Variants in BAIAP2L2 observed in about 807,000 individuals in gnomAD.
BAIAP2L2 encodes BAR/IMD domain containing adaptor protein 2 like 2.
A neutral mutation model predicts 60.4 loss-of-function variants in BAIAP2L2; 65 were observed. That is an observed-to-expected ratio of 1.08 (90% CI 0.88 to 1.32). The LOEUF is 1.32. Among genes scored for constraint, BAIAP2L2 ranks in the 40% most tolerant of loss-of-function variants. BAIAP2L2 has a pLI of 0.00. For synonymous variants in BAIAP2L2, 344 were observed against 301.7 expected, an observed-to-expected ratio of 1.14 and a Z score of -1.45; for missense variants, 836 against 741.2, an observed-to-expected ratio of 1.13 and a Z score of -1.48.
At chr22:38,108,440 G>A in intron 2 of BAIAP2L2, 99 bp from the exon 3 acceptor site, 1 of 940,614 alleles carries the variant, frequency 1.1e-6, no homozygotes, top group Non-Finnish European at 1.6e-6. Flanking sequence ...TCCTGGGTGG[G>A]GTGTGGGCAT....
At chr22:38,098,540 C>A in intron 4 of BAIAP2L2, 58 bp from the exon 5 acceptor site, 1 of 1,408,942 alleles carries the variant, frequency 7.1e-7, no homozygotes, top group Non-Finnish European at 1.0e-6. Flanking sequence ...CAGGCCCCAG[C>A]ACCCCCTTGC....
intron 11 of BAIAP2L2, 115 bp downstream of exon 11, chr22:38,087,001 AAAAAAAAC>A (rs1285536129): frequency 7.9e-7 from 1 of 1,270,112 alleles, no homozygotes. Context: ...GTCTCAAAAA[AAAAAAAAC>A]AAAACAAAAC....
chr22:38,087,114 A>G lies in BAIAP2L2; in HGVS notation c.1259+10T>C. On this transcript the variant is annotated intron_variant, in intron 11 of 13. Transcript: ENST00000381669. ...CCTCACCCCCGCCCCACCCCTGATGACTCAGGTACCTGGAAGGCAGCTCGT... is the reference window on the plus strand; with the variant it reads ...CCTCACCCCCGCCCCACCCCTGATGGCTCAGGTACCTGGAAGGCAGCTCGT... 1.3e-6 allele frequency: 2 copies of G among 1,550,824 alleles called. No individual in the cohort carries two copies. Among genetic ancestry groups the G allele is most frequent in the Non-Finnish European group, 1.7e-6 (2 of 1,151,194 alleles).
At chr22:38,108,908 G>C (rs2086726933) in intron 2 of BAIAP2L2, among the ~76,000 whole-genome samples, 1 of 152,046 alleles carries the variant, frequency 6.6e-6, no homozygotes, top group Admixed American at 6.6e-5. Context: ...CCTGAAGGAG[G>C]GGGCAATGAG....
rs2086027276 is a variant in BAIAP2L2 at position 38,085,370 on chromosome 22, G to C, written c.1520C>G (p.Thr507Arg). Residue 507 changes from threonine to arginine, a missense_variant, in exon 14 of 14, where the codon ACA becomes AGA. Coordinates refer to ENST00000381669, the MANE Select transcript of BAIAP2L2 (RefSeq NM_025045.6). The stretch of plus-strand genomic sequence containing the variant: ...AAGCTTGACAGTGGCAAAAGGATTT[G>C]TGCCCCTGTAGGAGGAGAGAGAGAA... ...YPPQELFPRG[T>R]NPFATVKLRP... is the part of the protein sequence containing the mutation. 8.1e-6 allele frequency: 13 copies of C among 1,613,768 alleles called. No individual in the cohort carries two copies. Among genetic ancestry groups the C allele is most frequent in the Non-Finnish European group, 9.3e-6 (11 of 1,179,726 alleles).
chr22:38,099,787 C>T (rs932469638), intron 4 of BAIAP2L2, among the ~76,000 whole-genome samples: 2 of 152,200 alleles, frequency 1.3e-5, no homozygotes, highest in East Asian at 1.9e-4. Context: ...CCCGCCTCTG[C>T]GCAGCCTCTG....
chr22:38,086,251 A>G lies in BAIAP2L2; in HGVS notation c.1458T>C (p.Thr486=). 1 of 1,611,428 alleles carries G rather than the reference A, an allele frequency of 6.2e-7. No individual in the cohort carries two copies. Among genetic ancestry groups the G allele is most frequent in the South Asian group, 1.1e-5 (1 of 90,878 alleles). Residue 486 remains threonine, a synonymous_variant, in exon 12 of 14, where the codon ACT becomes ACC. Transcript: ENST00000381669. ...GCGGGCAAGGGCTCACCTTGACGTC[A>G]GTGGCAACTGCTGTGCTGCCCATGC... ...RSSMGSTAVA[T]DVKKLMSSEQ... is the part of the protein sequence containing the mutation.
At chr22:38,096,696 G>A (rs1053841922) in intron 7 of BAIAP2L2, among the ~76,000 whole-genome samples, 2 of 151,962 alleles carry the variant, frequency 1.3e-5, no homozygotes, top group East Asian at 3.8e-4. Flanking sequence ...ATTAATAGAC[G>A]ATAACTGAGC....
chr22:38,110,022 AAT>A (rs2086773421), intron 1 of BAIAP2L2, among the ~76,000 whole-genome samples: 1 of 143,610 alleles, frequency 7.0e-6, no homozygotes, highest in Non-Finnish European at 1.5e-5. Context: ...GGGGCTCAGA[AAT>A]GAGAGAGACA....
At chr22:38,110,291 C>T (rs1019536449) in intron 1 of BAIAP2L2, among the ~76,000 whole-genome samples, 184 bp downstream of exon 1, 3 of 151,674 alleles carry the variant, frequency 2.0e-5, no homozygotes, top group African/African-American at 7.3e-5. Context: ...TGGGGGTTCC[C>T]GCTGTATGGC....
At chr22:38,098,225 G>A (rs1387075768) in intron 5 of BAIAP2L2, 46 bp from the exon 6 acceptor site, 11 of 1,593,666 alleles carry the variant, frequency 6.9e-6, no homozygotes, top group South Asian at 2.2e-5. Context: ...CCACATCAGA[G>A]AGCTCAAGAC....
chr22:38,090,034 A>G (rs1472022340), intron 7 of BAIAP2L2: 4 of 181,810 alleles, frequency 2.2e-5, no homozygotes, highest in African/African-American at 9.5e-5. Context: ...TGGCGCTTAG[A>G]TAGAAACTAC....
intron 10 of BAIAP2L2, among the ~76,000 whole-genome samples, chr22:38,088,199 C>G (rs952306167): frequency 2.0e-5 from 3 of 152,264 alleles, no homozygotes; most frequent in African/African-American, 7.2e-5. Flanking sequence ...GGTGCCTGTC[C>G]ATTCCCTCTG....
At chr22:38,088,600 G>T in intron 10 of BAIAP2L2, 148 bp downstream of exon 10, 1 of 751,744 alleles carries the variant, frequency 1.3e-6, no homozygotes, top group Non-Finnish European at 2.0e-6. Context: ...AGGAAACTGA[G>T]GCAGGGTGCG....
Position 38,085,233 on chromosome 22 carries a change from G to A in BAIAP2L2, c.*67C>T, listed in dbSNP as rs34319574. 86 of 1,520,120 alleles carry A rather than the reference G, an allele frequency of 5.7e-5. No homozygotes were observed. In the South Asian group the frequency reaches 8.6e-4, roughly 15 times the overall value. 94.2% of individuals were successfully genotyped at this position (1,520,120 alleles called of 1,614,324 possible). A position where few individuals can be genotyped will look rare whatever the true frequency, so the allele number is the denominator to read the frequency against. ...TGGATCTGCTGCTGTTGCTGCTGTCGCTGCCATTGCCAGCTCTGAACAGCC... is the reference window on the plus strand; with the variant it reads ...TGGATCTGCTGCTGTTGCTGCTGTCACTGCCATTGCCAGCTCTGAACAGCC... On this transcript the variant is annotated 3_prime_UTR_variant, in exon 14 of 14. Transcript: ENST00000381669.
chr22:38,099,271 C>T (rs796113827), intron 4 of BAIAP2L2, among the ~76,000 whole-genome samples: 60 of 152,236 alleles, frequency 3.9e-4, no homozygotes, highest in African/African-American at 1.3e-3. Flanking sequence ...TGGTGGCTTA[C>T]GCCTGTAATC....
intron 7 of BAIAP2L2, among the ~76,000 whole-genome samples, chr22:38,096,206 A>G (rs2086423107): frequency 6.6e-6 from 1 of 152,218 alleles, no homozygotes; most frequent in South Asian, 2.1e-4. Context: ...AAATGGCAAT[A>G]TTTACAAAGA....
At chr22:38,105,428 T>C (rs1390024687) in intron 4 of BAIAP2L2, among the ~76,000 whole-genome samples, 2 of 149,478 alleles carry the variant, frequency 1.3e-5, no homozygotes, top group Admixed American at 6.7e-5. Context: ...CAACCTCCGC[T>C]TCCCAGGTTC....
Position 38,087,202 on chromosome 22 carries a change from GTCATGGGAT to G in BAIAP2L2, c.1172_1180del (p.Asn391_Met393del), listed in dbSNP as rs1569215960. The stretch of plus-strand genomic sequence containing the variant: ...CATGGAGGTCATGGGGGTCACGGGG[GTCATGGGAT>G]TCACGGGCCCCTCCTCCAGAGCCTT... On this transcript the variant is annotated inframe_deletion, in exon 11 of 14. Transcript: ENST00000381669. 2.5e-6 allele frequency: 4 copies of G among 1,603,910 alleles called. No individual in the cohort carries two copies. Among genetic ancestry groups the G allele is most frequent in the African/African-American group, 2.7e-5 (2 of 73,914 alleles).
Sources: gnomAD v4.1 joint callset for allele counts (sites outside exome capture counted in the v4.1 genomes callset) on GRCh38, gnomAD v4.1.1 for gene constraint, MANE v1.5 for transcripts, NCBI Gene and HGNC (gene_info 2026-07-23, HGNC 2026-07-21) for gene names.